Variants in UNC13B observed in about 807,000 individuals in gnomAD.
UNC13B encodes the protein unc-13 homolog B.
UNC13B carries 144 observed loss-of-function variants against 211.0 expected under a neutral mutation model. That is an observed-to-expected ratio of 0.68 (90% confidence interval 0.60 to 0.78). The LOEUF is 0.78. Among genes scored for constraint, UNC13B ranks in the 30% least tolerant of loss-of-function variants. The pLI is 0.00. For synonymous variants in UNC13B, 709 were observed against 725.8 expected, an observed-to-expected ratio of 0.98 and a Z score of 0.37; for missense variants, 1,777 against 2,002.0, an observed-to-expected ratio of 0.89 and a Z score of 2.14.
chr9:35,386,242 T>C lies in UNC13B; in HGVS notation c.11043T>C (p.Tyr3681=), dbSNP rs1835182509. The C allele has an allele frequency of 1.9e-6, 3 of 1,614,120 alleles. No individual in the cohort carries two copies. Among genetic ancestry groups the C allele is most frequent in the Non-Finnish European group, 2.5e-6 (3 of 1,180,012 alleles). ...DCVKACLNST[Y]EYIFNNCHDL... ...TGAAGGCCTGTTTGAACTCCACATA[T>C]GAATATATCTTCAACAACTGCCACG... The change falls in exon 24 of 40, where the codon TAT becomes TAC. Residue 3681 remains tyrosine, a synonymous_variant. Transcript: ENST00000635942.
chr9:35,384,864 T>C (rs1240998425), intron 22 of UNC13B: 2 of 685,010 alleles, frequency 2.9e-6, no homozygotes, highest in African/African-American at 3.9e-5. Context: ...TAGTTCCTCC[T>C]ATGTTAGATC....
chr9:35,312,302 C>A (rs1031593384), intron 10 of UNC13B, among the ~76,000 whole-genome samples: 1 of 152,216 alleles, frequency 6.6e-6, no homozygotes, highest in South Asian at 2.1e-4. Flanking sequence ...AGTCGCAAAC[C>A]TTTCTGAAGA....
intron 7 of UNC13B, among the ~76,000 whole-genome samples, chr9:35,266,709 T>G (rs1185329292): frequency 2.0e-5 from 3 of 152,244 alleles, no homozygotes; most frequent in Non-Finnish European, 4.4e-5. Flanking sequence ...AGTAACAACA[T>G]TCTGCATTCA....
chr9:35,275,975 C>CT (rs762963256), intron 7 of UNC13B, among the ~76,000 whole-genome samples: 22 of 152,056 alleles, frequency 1.4e-4, no homozygotes, highest in Non-Finnish European at 2.9e-4. Flanking sequence ...TGATCAGTGT[C>CT]TTTTTTGGGT....
At chr9:35,403,721 C>T (rs558262354) in intron 39 of UNC13B, 27 bp from the exon 40 acceptor site, 3 of 1,612,538 alleles carry the variant, frequency 1.9e-6, no homozygotes, top group African/African-American at 1.3e-5. Context: ...CAACTCTGGC[C>T]TCATAACTTC....
chr9:35,329,667 T>C (rs1831256093), intron 11 of UNC13B, among the ~76,000 whole-genome samples: 2 of 152,064 alleles, frequency 1.3e-5, no homozygotes, highest in African/African-American at 4.8e-5. Context: ...TTTTATATTT[T>C]TTGTGGAGAT....
chr9:35,231,696 C>T lies in UNC13B; in HGVS notation c.152+477C>T, dbSNP rs575920898. On this transcript the variant is annotated intron_variant, in intron 3 of 39. Coordinates refer to ENST00000635942, the MANE Select transcript of UNC13B (RefSeq NM_001371189.2). ...GCTGAAGATTTCTGTGCTTATAATC[C>T]TTTTGCTTTATGGAGTAAAATGTCC... is the stretch of plus-strand genomic sequence containing the variant. Among the ~76,000 whole-genome samples the T allele has an allele frequency of 3.3e-5, 5 of 151,862 alleles. No homozygotes were observed. The South Asian group carries it at 1.1e-3, about 32-fold the overall frequency.
chr9:35,230,063 A>G (rs1825108442), intron 2 of UNC13B, among the ~76,000 whole-genome samples: 1 of 152,198 alleles, frequency 6.6e-6, no homozygotes, highest in East Asian at 1.9e-4. Flanking sequence ...TGTAATAAGA[A>G]TTAGGTGAGA....
intron 17 of UNC13B, 38 bp from the exon 18 acceptor site, chr9:35,380,432 G>C (rs764904529): frequency 1.2e-6 from 2 of 1,604,448 alleles, no homozygotes; most frequent in South Asian, 2.2e-5. Flanking sequence ...GGCGCTACTG[G>C]GTCTGCCCCT....
At chr9:35,213,073 G>C (rs971340154) in intron 1 of UNC13B, among the ~76,000 whole-genome samples, 1 of 152,212 alleles carries the variant, frequency 6.6e-6, no homozygotes, top group Non-Finnish European at 1.5e-5. Context: ...AATATATTGA[G>C]TGCTAACTGT....
intron 1 of UNC13B, among the ~76,000 whole-genome samples, chr9:35,206,890 A>C (rs935255211): frequency 3.9e-4 from 54 of 138,792 alleles, no homozygotes; most frequent in African/African-American, 1.1e-3. Flanking sequence ...AAAAAAAAAA[A>C]CACACACACA....
intron 7 of UNC13B, among the ~76,000 whole-genome samples, chr9:35,287,766 C>T (rs903695318): frequency 6.6e-6 from 1 of 152,186 alleles, no homozygotes; most frequent in African/African-American, 2.4e-5. Context: ...AGAAAAATCC[C>T]TGCCCTTATT....
intron 11 of UNC13B, among the ~76,000 whole-genome samples, chr9:35,329,403 G>A (rs1242732412): frequency 6.6e-6 from 1 of 152,152 alleles, no homozygotes; most frequent in Non-Finnish European, 1.5e-5. Flanking sequence ...AGAGAAGATG[G>A]CCATTGACAA....
At position 35,377,469 on chromosome 9, in the gene UNC13B, G is replaced by A. The variant is rs553256686; in HGVS notation, c.9837G>A (p.Arg3279=). Residue 3279 remains arginine, a splice_region_variant and synonymous_variant, in exon 16 of 40, where the codon CGG becomes CGA. Transcript: ENST00000635942. ...QDLLNADCLQ[R]AAEKSCKHGA... The stretch of plus-strand genomic sequence containing the variant: ...TGTTGTGTTCCTGGCCACCTTCAGG[G>A]GCTGCAGAAAAGAGCTGTAAACATG... 1.2e-6 allele frequency: 2 copies of A among 1,614,162 alleles called. No individual in the cohort carries two copies. The highest frequency in any genetic ancestry group is 2.2e-5 in the South Asian group (2 of 91,076).
intron 6 of UNC13B, among the ~76,000 whole-genome samples, chr9:35,254,942 AT>A (rs1384507106): frequency 8.2e-5 from 10 of 121,894 alleles, no homozygotes; most frequent in Admixed American, 5.4e-4. Flanking sequence ...ATATATATTA[AT>A]ATATGTATAT....
chr9:35,209,518 C>T (rs1587378974), intron 1 of UNC13B, among the ~76,000 whole-genome samples: 1 of 152,224 alleles, frequency 6.6e-6, no homozygotes, highest in East Asian at 1.9e-4. Flanking sequence ...GCTGGAGTTA[C>T]AAGTGCGCAC....
At chr9:35,172,487 A>G (rs1015690664) in intron 1 of UNC13B, among the ~76,000 whole-genome samples, 1 of 151,922 alleles carries the variant, frequency 6.6e-6, no homozygotes, top group South Asian at 2.1e-4. Flanking sequence ...TTCCTTTCAT[A>G]TACTATATTA....
intron 32 of UNC13B, 99 bp downstream of exon 32, chr9:35,398,741 T>C: frequency 6.4e-7 from 1 of 1,559,318 alleles, no homozygotes; most frequent in Non-Finnish European, 8.8e-7. Context: ...TGCAGGTGTG[T>C]GGATCTTCCC....
chr9:35,404,272 G>A lies in UNC13B; in HGVS notation c.*239G>A. On this transcript the variant is annotated 3_prime_UTR_variant, in exon 40 of 40. Transcript: ENST00000635942. The stretch of plus-strand genomic sequence containing the variant: ...GGGATGTGGGGTTACCACATGGAGA[G>A]ATTTTCCATTAAGAGAGAAGGACAA... The A allele has an allele frequency of 3.6e-6, 2 of 562,176 alleles. No individual in the cohort carries two copies. The highest frequency in any genetic ancestry group is 4.8e-5 in the South Asian group (2 of 41,800). 34.8% of individuals were successfully genotyped at this position (562,176 alleles called of 1,614,324 possible).
Sources: gnomAD v4.1 joint callset for allele counts (sites outside exome capture counted in the v4.1 genomes callset) on GRCh38, gnomAD v4.1.1 for gene constraint, MANE v1.5 for transcripts, NCBI Gene and HGNC (gene_info 2026-07-23, HGNC 2026-07-21) for gene names.